CFAP97: variants seen among roughly 807,000 people sequenced by gnomAD.
CFAP97 encodes cilia and flagella associated protein 97, also known as cilia- and flagella-associated protein 97.
Under a neutral mutation model 43.1 loss-of-function variants are expected in CFAP97, and 36 were observed. That is an observed-to-expected ratio of 0.84 (90% CI 0.64 to 1.10). The LOEUF is 1.10. Ranked by LOEUF, CFAP97 falls within the 50% of genes least tolerant of loss-of-function variation. The pLI is 0.00. For synonymous variants in CFAP97, 228 were observed against 225.7 expected, an observed-to-expected ratio of 1.01 and a Z score of -0.09; for missense variants, 657 against 620.3, an observed-to-expected ratio of 1.06 and a Z score of -0.63.
At chr4:185,196,068 C>T (rs1161761127) in intron 1 of CFAP97, among the ~76,000 whole-genome samples, 1 of 152,204 alleles carries the variant, frequency 6.6e-6, no homozygotes, top group East Asian at 1.9e-4. Context: ...GGTTTAATAG[C>T]ATAGCCCAGA....
rs964960135 is a variant in CFAP97, at chr4:185,162,794, T to C, written c.*4A>G. Reference sequence around the variant, plus strand: ...GTGAACAATGTTTAAAGTAAAAAAGTGTTTTATAACCAAGCTGTACGGACA... The same window carrying C: ...GTGAACAATGTTTAAAGTAAAAAAGCGTTTTATAACCAAGCTGTACGGACA... On this transcript the variant is annotated 3_prime_UTR_variant, in exon 5 of 5. Transcript: ENST00000458385. 4.3e-6 allele frequency: 7 copies of C among 1,611,836 alleles called. No homozygotes were observed. The African/African-American group carries it at 9.3e-5, about 22-fold the overall frequency.
chr4:185,181,876 A>G (rs571174954), intron 2 of CFAP97, among the ~76,000 whole-genome samples: 2 of 152,302 alleles, frequency 1.3e-5, no homozygotes, highest in Admixed American at 1.3e-4. Context: ...CAGTATGGGC[A>G]TCTCCTTTCT....
chr4:185,191,095 G>A lies in CFAP97; in HGVS notation c.102C>T (p.Asp34=), dbSNP rs746026251. 10 of 1,612,238 alleles carry A rather than the reference G, an allele frequency of 6.2e-6. No individual in the cohort carries two copies. Among genetic ancestry groups the A allele is most frequent in the Admixed American group, 3.3e-5 (2 of 59,836 alleles). Residue 34 remains aspartate, a synonymous_variant, in exon 2 of 5, where the codon GAC becomes GAT. Transcript: ENST00000458385. ...TTTCCTTTGGGTCATCATTTTGCTT[G>A]TCAAAAACTGAGTTAGTTTCACATT... ...GKKCETNSVF[D]KQNDDPKERI... is the part of the protein sequence containing the mutation.
At chr4:185,204,146 G>C (rs1001004267), upstream of CFAP97, 45 of 151,894 alleles carry the variant, frequency 3.0e-4, no homozygotes, top group African/African-American at 8.5e-4. Flanking sequence ...GGGCGGAGTG[G>C]AGGCCGGGCC....
intron 1 of CFAP97, among the ~76,000 whole-genome samples, chr4:185,201,933 G>A (rs1736850437): frequency 3.3e-5 from 5 of 152,140 alleles, no homozygotes; most frequent in Admixed American, 3.3e-4. Flanking sequence ...GGAAAGCCCT[G>A]TGTCATTGTA....
intron 3 of CFAP97, chr4:185,168,929 GT>G (rs1735176769): frequency 6.6e-6 from 1 of 151,734 alleles, no homozygotes; most frequent in Non-Finnish European, 1.5e-5. Flanking sequence ...AAAAAAAAAG[GT>G]GCAATTTTGG....
intron 2 of CFAP97, 57 bp from the exon 3 acceptor site, chr4:185,176,108 G>GTTT: frequency 8.2e-7 from 1 of 1,215,648 alleles, no homozygotes. Flanking sequence ...TGTGGTACAT[G>GTTT]CTTTTTTTTT....
At chr4:185,165,025 T>C (rs1454239618) in intron 3 of CFAP97, among the ~76,000 whole-genome samples, 1 of 152,258 alleles carries the variant, frequency 6.6e-6, no homozygotes, top group Non-Finnish European at 1.5e-5. Flanking sequence ...TAGTTTCTAC[T>C]AGCCCAGCTA....
At chr4:185,205,636 C>G (rs1737154793), upstream of CFAP97, among the ~76,000 whole-genome samples, 1 of 152,108 alleles carries the variant, frequency 6.6e-6, no homozygotes. Flanking sequence ...CCAGACCAGC[C>G]TGGCCAACAT....
rs766964450 is a variant in CFAP97, at chr4:185,191,169, C to T, written c.28G>A (p.Gly10Ser). The change falls in exon 2 of 5, where the codon GGT becomes AGT. Residue 10 changes from glycine to serine, a missense_variant. Gly to Ser is a moderately conservative substitution (Grantham distance 56). Transcript: ENST00000458385. MDQFGDILE[G>S]EVDHSFFDSD... is the part of the protein sequence containing the mutation. Reference sequence around the variant, plus strand: ...TCAAAGAAAGAATGGTCCACTTCACCTTCTAATATATCTCCAAACTGATCC... The same window carrying T: ...TCAAAGAAAGAATGGTCCACTTCACTTTCTAATATATCTCCAAACTGATCC... The T allele has an allele frequency of 8.2e-6, 13 of 1,588,026 alleles. No individual in the cohort carries two copies. In the South Asian group the frequency reaches 1.4e-4, roughly 17 times the overall value.
At chr4:185,176,162 G>C (rs558979650) in intron 2 of CFAP97, 111 bp from the exon 3 acceptor site, 7 of 961,828 alleles carry the variant, frequency 7.3e-6, no homozygotes, top group Middle Eastern at 3.3e-4. Flanking sequence ...ACCCAGACTG[G>C]AGTGCAATGG....
chr4:185,205,735 A>G (rs1737158088), upstream of CFAP97, among the ~76,000 whole-genome samples: 1 of 152,224 alleles, frequency 6.6e-6, no homozygotes. Context: ...AGGCTGACGC[A>G]GAAGAATCGC....
intron 4 of CFAP97, among the ~76,000 whole-genome samples, 165 bp downstream of exon 4, chr4:185,163,864 T>C (rs1192852318): frequency 1.3e-5 from 2 of 152,150 alleles, no homozygotes; most frequent in African/African-American, 4.8e-5. Flanking sequence ...AAATGAAACC[T>C]GAAATTAAGT....
chr4:185,174,351 C>T (rs534448154), intron 3 of CFAP97, among the ~76,000 whole-genome samples: 9 of 152,120 alleles, frequency 5.9e-5, no homozygotes, highest in African/African-American at 2.2e-4. Flanking sequence ...CAGCTCCCAC[C>T]GACCTCATTT....
chr4:185,181,411 C>T (rs1472570356), intron 2 of CFAP97, among the ~76,000 whole-genome samples: 1 of 149,018 alleles, frequency 6.7e-6, no homozygotes, highest in African/African-American at 2.5e-5. Flanking sequence ...CTGCAATCTC[C>T]GCTTCCCAGG....
chr4:185,164,297 C>CT, intron 3 of CFAP97, 118 bp from the exon 4 acceptor site: 1 of 1,009,414 alleles, frequency 9.9e-7, no homozygotes, highest in East Asian at 2.6e-5. Flanking sequence ...GAGACAAGAT[C>CT]TTACTCTGTC....
chr4:185,190,519 T>A lies in CFAP97; in HGVS notation c.678A>T (p.Gly226=), dbSNP rs1390056727. ...AAGGCTGTGTTTCTGTCGATTTTAT[T>A]CCTGATTTATACTTGTGTTTTGGTG... ...LLSPKHKYKS[G]IKSTETQPSS... Residue 226 remains glycine, a synonymous_variant, in exon 2 of 5, where the codon GGA becomes GGT. Transcript: ENST00000458385. 1 of 1,613,952 alleles carries A rather than the reference T, an allele frequency of 6.2e-7. No homozygotes were observed. The highest frequency in any genetic ancestry group is 2.2e-5 in the East Asian group (1 of 44,876).
chr4:185,178,486 C>T (rs1735649896), intron 2 of CFAP97, among the ~76,000 whole-genome samples: 2 of 151,946 alleles, frequency 1.3e-5, no homozygotes, highest in African/African-American at 4.8e-5. Flanking sequence ...CTCAGGTGAT[C>T]CACCTGCCTC....
chr4:185,166,593 A>C (rs1453747991), intron 3 of CFAP97, among the ~76,000 whole-genome samples: 4 of 152,222 alleles, frequency 2.6e-5, no homozygotes, highest in Non-Finnish European at 2.9e-5. Flanking sequence ...ATCACATATA[A>C]AACATACAGA....
Sources: gnomAD v4.1 joint callset for allele counts (sites outside exome capture counted in the v4.1 genomes callset) on GRCh38, gnomAD v4.1.1 for gene constraint, MANE v1.5 for transcripts, NCBI Gene and HGNC (gene_info 2026-07-23, HGNC 2026-07-21) for gene names.